FILIP1: variants seen among roughly 807,000 people sequenced by gnomAD.
FILIP1 encodes filamin A interacting protein 1.
Under a neutral mutation model 102.1 loss-of-function variants are expected in FILIP1, and 61 were observed. The ratio of observed to expected loss-of-function variants is 0.60; its 90% CI spans 0.49 to 0.74. The LOEUF (loss-of-function observed/expected upper bound fraction) is 0.74, where lower values mean the gene tolerates loss of function less well. Ranked by LOEUF, FILIP1 falls within the 30% of genes least tolerant of loss-of-function variation. The pLI is 0.00. For missense variants in FILIP1, 1,314 were observed against 1,441.2 expected (o/e 0.91, Z 1.43); for synonymous variants, 491 against 526.9 (o/e 0.93, Z 0.93).
At chr6:75,435,050 T>G (rs1463636447) in intron 1 of FILIP1, among the ~76,000 whole-genome samples, 1 of 152,220 alleles carries the variant, frequency 6.6e-6, no homozygotes, top group Non-Finnish European at 1.5e-5. Context: ...TTGATCATAG[T>G]GGATAAACTT....
At chr6:75,453,649 A>C (rs1227178486) in intron 1 of FILIP1, among the ~76,000 whole-genome samples, 1 of 152,140 alleles carries the variant, frequency 6.6e-6, no homozygotes, top group Non-Finnish European at 1.5e-5. Flanking sequence ...CATCTCTACA[A>C]AAAATTTAAA....
chr6:75,359,851 T>G (rs1204643148), intron 3 of FILIP1, among the ~76,000 whole-genome samples: 2 of 152,146 alleles, frequency 1.3e-5, no homozygotes, highest in African/African-American at 4.8e-5. Flanking sequence ...TCTAAAGCGA[T>G]GGGCTTCCTA....
intron 2 of FILIP1, among the ~76,000 whole-genome samples, chr6:75,376,411 C>G (rs1391154961): frequency 6.6e-6 from 1 of 152,070 alleles, no homozygotes; most frequent in Non-Finnish European, 1.5e-5. Context: ...ATACAAAGTG[C>G]CTGGTAAATG....
intron 1 of FILIP1, among the ~76,000 whole-genome samples, chr6:75,443,746 C>T (rs1032027850): frequency 1.3e-5 from 2 of 152,206 alleles, no homozygotes; most frequent in Admixed American, 1.3e-4. Flanking sequence ...TAGCAGCTGT[C>T]GCCTTAGACA....
intron 1 of FILIP1, among the ~76,000 whole-genome samples, chr6:75,443,457 A>G (rs1411069044): frequency 6.6e-6 from 1 of 152,290 alleles, no homozygotes; most frequent in Non-Finnish European, 1.5e-5. Context: ...TTTTAAGGGG[A>G]AAAATGGATA....
chr6:75,376,916 C>A (rs1411860300), intron 2 of FILIP1, among the ~76,000 whole-genome samples: 1 of 152,114 alleles, frequency 6.6e-6, no homozygotes, highest in African/African-American at 2.4e-5. Context: ...TGTGTAGAGT[C>A]TGCAGTTCCC....
At chr6:75,402,761 CAT>C (rs964416678) in intron 2 of FILIP1, among the ~76,000 whole-genome samples, 2 of 152,086 alleles carry the variant, frequency 1.3e-5, no homozygotes, top group African/African-American at 4.8e-5. Context: ...AAAGTAGAAT[CAT>C]AGTATTGTAG....
chr6:75,473,461 T>A (rs1779387559), intron 1 of FILIP1, among the ~76,000 whole-genome samples: 1 of 152,162 alleles, frequency 6.6e-6, no homozygotes, highest in Non-Finnish European at 1.5e-5. Context: ...TATCCTTGTT[T>A]GTAGGTGATC....
At chr6:75,465,549 T>C (rs768685462) in intron 1 of FILIP1, 21 of 595,070 alleles carry the variant, frequency 3.5e-5, no homozygotes, top group Non-Finnish European at 6.2e-5. Context: ...TTCAGCTGCC[T>C]GAAGGACAGT....
At chr6:75,437,998 T>A (rs1469243878) in intron 1 of FILIP1, among the ~76,000 whole-genome samples, 2 of 152,232 alleles carry the variant, frequency 1.3e-5, no homozygotes, top group Non-Finnish European at 2.9e-5. Flanking sequence ...GCCCTGTGTA[T>A]CACGGCTGTC....
At chr6:75,401,640 A>G (rs1276761776) in intron 2 of FILIP1, among the ~76,000 whole-genome samples, 1 of 152,176 alleles carries the variant, frequency 6.6e-6, no homozygotes, top group Non-Finnish European at 1.5e-5. Flanking sequence ...GCTACCCTAC[A>G]GGACAAGGCA....
Position 75,308,904 on chromosome 6 carries a change from GAGAGAAA to G in FILIP1, c.3436-14_3436-8del. The G allele has an allele frequency of 6.2e-7, 1 of 1,613,746 alleles. No individual in the cohort carries two copies. Among genetic ancestry groups the G allele is most frequent in the African/African-American group, 1.3e-5 (1 of 75,024 alleles). ...ATGACCCGTCTTGTCCTGACTGTAA[GAGAGAAA>G]ATACGTAGATACAAGGGAGATGTTG... On this transcript the variant is annotated splice_region_variant and splice_polypyrimidine_tract_variant and intron_variant, in intron 5 of 5. Transcript: ENST00000237172.
intron 4 of FILIP1, among the ~76,000 whole-genome samples, chr6:75,346,972 T>C (rs1774606191): frequency 6.7e-6 from 1 of 149,572 alleles, no homozygotes; most frequent in African/African-American, 2.5e-5. Context: ...CCTTCATCAG[T>C]GGGATACTGA....
At chr6:75,430,271 C>T (rs2149707142) in intron 1 of FILIP1, among the ~76,000 whole-genome samples, 1 of 152,300 alleles carries the variant, frequency 6.6e-6, no homozygotes. Context: ...AATTAAACCT[C>T]TTTTGTTTAT....
intron 2 of FILIP1, among the ~76,000 whole-genome samples, chr6:75,392,440 C>A (rs1010879672): frequency 2.0e-5 from 3 of 152,096 alleles, no homozygotes; most frequent in Non-Finnish European, 4.4e-5. Context: ...CTGTACAAAA[C>A]TATATTTCTA....
chr6:75,308,141 A>G lies in FILIP1; in HGVS notation c.*550T>C. ...CATGTTCACATTATTTCCTGAAATCATCTTAGAACCTTTTGTTTTTGCAAA... is the reference window on the plus strand; with the variant it reads ...CATGTTCACATTATTTCCTGAAATCGTCTTAGAACCTTTTGTTTTTGCAAA... On this transcript the variant is annotated 3_prime_UTR_variant, in exon 6 of 6. Coordinates refer to ENST00000237172, the MANE Select transcript of FILIP1 (RefSeq NM_015687.5). 5.1e-6 allele frequency: 5 copies of G among 986,180 alleles called. No homozygotes were observed. The highest frequency in any genetic ancestry group is 6.0e-6 in the Non-Finnish European group (5 of 830,182). The allele number at this position is 986,180 out of a possible 1,614,324, so 61.1% of individuals were successfully genotyped here.
intron 2 of FILIP1, among the ~76,000 whole-genome samples, chr6:75,383,173 G>T (rs2149644220): frequency 6.6e-6 from 1 of 152,238 alleles, no homozygotes; most frequent in African/African-American, 2.4e-5. Flanking sequence ...TGTGGAATCA[G>T]GGCACTTGAG....
chr6:75,351,192 T>G (rs1463222968), intron 4 of FILIP1, among the ~76,000 whole-genome samples: 1 of 152,128 alleles, frequency 6.6e-6, no homozygotes, highest in Non-Finnish European at 1.5e-5. Context: ...TCAGGCTAAG[T>G]AGCTGGGATT....
chr6:75,427,970 C>T (rs1382774166), intron 1 of FILIP1, among the ~76,000 whole-genome samples: 1 of 152,022 alleles, frequency 6.6e-6, no homozygotes, highest in Non-Finnish European at 1.5e-5. Context: ...TAGAAGTAGC[C>T]ATTTTTAAAG....
Sources: allele counts gnomAD v4.1 joint callset (sites outside exome capture counted in the v4.1 genomes callset), GRCh38; gene constraint gnomAD v4.1.1; transcripts MANE v1.5; gene names NCBI Gene and HGNC (gene_info 2026-07-23, HGNC 2026-07-21).